Variants in DCDC1 observed in about 807,000 individuals in gnomAD.
DCDC1 encodes the protein doublecortin domain containing 1.
Under a neutral mutation model 178.3 loss-of-function variants are expected in DCDC1, and 200 were observed. The ratio of observed to expected loss-of-function variants is 1.12; its 90% CI spans 1.00 to 1.26. DCDC1 has a LOEUF of 1.26. Among genes scored for constraint, DCDC1 ranks in the 50% most tolerant of loss-of-function variants. The pLI is 0.00. For missense variants in DCDC1, 1,983 were observed against 1,749.2 expected (o/e 1.13, Z -2.38); for synonymous variants, 690 against 604.8 (o/e 1.14, Z -2.07).
chr11:31,242,063 A>G (rs2136902020), intron 8 of DCDC1, among the ~76,000 whole-genome samples: 1 of 152,120 alleles, frequency 6.6e-6, no homozygotes, highest in South Asian at 2.1e-4. Flanking sequence ...TTCATAAAAT[A>G]TAATCCACAC....
intron 9 of DCDC1, among the ~76,000 whole-genome samples, chr11:31,171,095 T>C (rs1189356383): frequency 6.6e-6 from 1 of 152,202 alleles, no homozygotes; most frequent in African/African-American, 2.4e-5. Flanking sequence ...CCCAAAGTGC[T>C]GGGATTACAG....
At chr11:30,887,472 C>A (rs1005639167) in intron 36 of DCDC1, among the ~76,000 whole-genome samples, 3 of 152,104 alleles carry the variant, frequency 2.0e-5, no homozygotes, top group African/African-American at 7.2e-5. Flanking sequence ...TGTAGCCTAA[C>A]GTTAACTTTG....
intron 1 of DCDC1, among the ~76,000 whole-genome samples, chr11:31,361,362 C>T (rs1951699847): frequency 6.6e-6 from 1 of 152,188 alleles, no homozygotes; most frequent in South Asian, 2.1e-4. Flanking sequence ...AATGAAGACA[C>T]AGCCTCATTA....
chr11:31,011,631 C>G (rs543904867), intron 20 of DCDC1, among the ~76,000 whole-genome samples: 1 of 152,280 alleles, frequency 6.6e-6, no homozygotes, highest in African/African-American at 2.4e-5. Context: ...ATCCCCTACG[C>G]TATAGTAGAA....
At chr11:31,042,373 C>T (rs189829969) in intron 20 of DCDC1, among the ~76,000 whole-genome samples, 1 of 152,266 alleles carries the variant, frequency 6.6e-6, no homozygotes, top group Admixed American at 6.5e-5. Flanking sequence ...CAGATACCAC[C>T]TTACCATCTT....
chr11:31,305,606 C>G lies in DCDC1; in HGVS notation c.754+9G>C. The G allele has an allele frequency of 6.2e-7, 1 of 1,612,346 alleles. No homozygotes were observed. Among genetic ancestry groups the G allele is most frequent in the East Asian group, 2.2e-5 (1 of 44,844 alleles). On this transcript the variant is annotated intron_variant, in intron 6 of 38. Transcript: ENST00000684477. ...TGTGGGGGTAGGGTATTTTTTAGAT[C>G]TTTTTTACCTTTAATTTTTTTGAAT...
chr11:31,074,901 T>A (rs1412628102), intron 18 of DCDC1, among the ~76,000 whole-genome samples: 3 of 152,204 alleles, frequency 2.0e-5, no homozygotes, highest in African/African-American at 7.2e-5. Context: ...AAATTTTTTT[T>A]ATAATTACTA....
intron 20 of DCDC1, among the ~76,000 whole-genome samples, chr11:31,020,312 T>C (rs1180003242): frequency 1.3e-5 from 2 of 152,218 alleles, no homozygotes; most frequent in East Asian, 3.9e-4. Context: ...TTAAACTAAT[T>C]GTCAATGTTG....
At chr11:31,180,889 A>G (rs549763848) in intron 9 of DCDC1, among the ~76,000 whole-genome samples, 1 of 151,946 alleles carries the variant, frequency 6.6e-6, no homozygotes, top group South Asian at 2.1e-4. Flanking sequence ...TGGAAAGGGA[A>G]CTGAAGCCAG....
intron 7 of DCDC1, among the ~76,000 whole-genome samples, chr11:31,278,280 G>C (rs374441962): frequency 1.3e-5 from 2 of 151,930 alleles, no homozygotes; most frequent in East Asian, 3.9e-4. Context: ...GATTATTTTA[G>C]CTTTATAATA....
chr11:31,042,662 T>C (rs1192916965), intron 20 of DCDC1, among the ~76,000 whole-genome samples: 3 of 152,104 alleles, frequency 2.0e-5, no homozygotes, highest in African/African-American at 4.8e-5. Flanking sequence ...ATACAACCCA[T>C]AGATATCAAA....
chr11:30,889,295 G>A (rs145857487), intron 36 of DCDC1, among the ~76,000 whole-genome samples: 1 of 152,314 alleles, frequency 6.6e-6, no homozygotes, highest in East Asian at 1.9e-4. Flanking sequence ...GTCTAGCAAT[G>A]TTCAAAGAGT....
chr11:31,093,944 G>A (rs575556787), intron 16 of DCDC1, 106 bp downstream of exon 16: 98 of 676,768 alleles, frequency 1.4e-4, no homozygotes, highest in South Asian at 9.1e-4. Flanking sequence ...AATTTATCAC[G>A]CTTTCACTTG....
At chr11:31,023,899 C>T (rs1359769527) in intron 20 of DCDC1, among the ~76,000 whole-genome samples, 2 of 151,964 alleles carry the variant, frequency 1.3e-5, no homozygotes, top group Non-Finnish European at 2.9e-5. Context: ...TAAAACATTC[C>T]TTTCAGTTGA....
chr11:31,150,373 A>T (rs2136092343), intron 9 of DCDC1, among the ~76,000 whole-genome samples: 1 of 152,348 alleles, frequency 6.6e-6, no homozygotes, highest in East Asian at 1.9e-4. Context: ...ATATTTAACA[A>T]TGGGAAATAA....
intron 8 of DCDC1, chr11:31,263,034 T>C (rs1227074399): frequency 6.2e-7 from 1 of 1,612,412 alleles, no homozygotes; most frequent in Admixed American, 1.7e-5. Context: ...CGAATGCCTC[T>C]GGCATCCATG....
At chr11:30,978,779 AAC>A (rs56058117) in intron 20 of DCDC1, among the ~76,000 whole-genome samples, 1,375 of 118,912 alleles carry the variant, frequency 0.012, 8 homozygotes, top group East Asian at 0.052. Flanking sequence ...GTCCCCCCTC[AAC>A]ACACACACAC....
chr11:31,153,208 T>C (rs532626542), intron 9 of DCDC1, among the ~76,000 whole-genome samples: 1 of 152,208 alleles, frequency 6.6e-6, no homozygotes, highest in Non-Finnish European at 1.5e-5. Flanking sequence ...CTCTTTATCA[T>C]GGCATTACTA....
At chr11:30,909,677 CA>C (rs536461439) in intron 28 of DCDC1, among the ~76,000 whole-genome samples, 2 of 151,510 alleles carry the variant, frequency 1.3e-5, no homozygotes, top group Non-Finnish European at 2.9e-5. Flanking sequence ...ACATTCTTGC[CA>C]AAAAATGGGC....
Sources: allele counts gnomAD v4.1 joint callset (sites outside exome capture counted in the v4.1 genomes callset), GRCh38; gene constraint gnomAD v4.1.1; transcripts MANE v1.5; gene names NCBI Gene and HGNC (gene_info 2026-07-23, HGNC 2026-07-21).